PCDH7: variants seen among roughly 807,000 people sequenced by gnomAD.
PCDH7 encodes protocadherin 7, also known as protocadherin-7.
In PCDH7, 17 loss-of-function variants were observed where a neutral mutation model predicts 58.9. The observed-to-expected ratio is 0.29, with a 90% CI of 0.20 to 0.43. The LOEUF (loss-of-function observed/expected upper bound fraction) is 0.43, where lower values mean the gene tolerates loss of function less well. Ranked by LOEUF, PCDH7 falls within the 20% of genes least tolerant of loss-of-function variation. The pLI, the probability that PCDH7 is intolerant of heterozygous loss-of-function variation, is 1.00. For synonymous variants in PCDH7, 664 were observed against 616.4 expected (o/e 1.08, Z -1.14); for missense variants, 1,274 against 1,441.0 (o/e 0.88, Z 1.88).
chr4:30,928,753 A>G (rs1237344569), intron 2 of PCDH7, among the ~76,000 whole-genome samples: 1 of 152,214 alleles, frequency 6.6e-6, no homozygotes, highest in East Asian at 1.9e-4. Context: ...CTTTGGCTGC[A>G]CATCCTCTCT....
At chr4:31,098,462 G>A (rs1448708299) in intron 3 of PCDH7, among the ~76,000 whole-genome samples, 2 of 152,082 alleles carry the variant, frequency 1.3e-5, no homozygotes, top group Non-Finnish European at 2.9e-5. Flanking sequence ...TATTTGCAAG[G>A]ATTTCAAGAT....
chr4:30,842,488 G>A (rs1486432970), intron 1 of PCDH7, among the ~76,000 whole-genome samples: 1 of 152,018 alleles, frequency 6.6e-6, no homozygotes, highest in Non-Finnish European at 1.5e-5. Flanking sequence ...TGCTTATAGT[G>A]GAAAGGACCA....
intron 1 of PCDH7, among the ~76,000 whole-genome samples, chr4:30,756,469 G>A (rs906131022): frequency 2.0e-5 from 3 of 152,090 alleles, no homozygotes; most frequent in Non-Finnish European, 2.9e-5. Context: ...CTTAGTAAAC[G>A]GTAATAATGG....
At chr4:31,003,252 C>T (rs1183479839) in intron 3 of PCDH7, among the ~76,000 whole-genome samples, 1 of 151,908 alleles carries the variant, frequency 6.6e-6, no homozygotes, top group Non-Finnish European at 1.5e-5. Context: ...TTGTCATTAT[C>T]TTGACAATGA....
chr4:30,809,965 C>T (rs1177826644), intron 1 of PCDH7, among the ~76,000 whole-genome samples: 2 of 152,090 alleles, frequency 1.3e-5, no homozygotes, highest in Non-Finnish European at 2.9e-5. Context: ...CTAAGTTTTT[C>T]TTGTTCTTCA....
chr4:30,904,964 T>G (rs147834877), intron 1 of PCDH7, among the ~76,000 whole-genome samples: 2 of 152,276 alleles, frequency 1.3e-5, no homozygotes, highest in Non-Finnish European at 2.9e-5. Flanking sequence ...ACACAAACCT[T>G]CATTCCACAG....
At chr4:30,749,706 G>T (rs961471616) in intron 1 of PCDH7, among the ~76,000 whole-genome samples, 4 of 152,114 alleles carry the variant, frequency 2.6e-5, no homozygotes, top group Non-Finnish European at 4.4e-5. Flanking sequence ...TATGACTTTT[G>T]TATTTTATCC....
At chr4:30,725,182 A>G (rs1182826223) in intron 1 of PCDH7, 1 of 999,746 alleles carries the variant, frequency 1.0e-6, no homozygotes, top group Non-Finnish European at 1.2e-6. Context: ...TGATATGCAA[A>G]TGTCATGCAA....
intron 3 of PCDH7, among the ~76,000 whole-genome samples, chr4:31,065,543 A>G (rs1458682257): frequency 4.0e-4 from 61 of 151,948 alleles, no homozygotes; most frequent in Admixed American, 3.9e-3. Flanking sequence ...AGAAAATGTA[A>G]CATGCAGTCT....
At chr4:30,909,927 A>G (rs901671413) in intron 1 of PCDH7, among the ~76,000 whole-genome samples, 2 of 152,192 alleles carry the variant, frequency 1.3e-5, no homozygotes, top group Admixed American at 6.5e-5. Flanking sequence ...TTCAAACTAT[A>G]CTACAAGGCT....
At chr4:31,040,593 T>TA (rs1755781643) in intron 3 of PCDH7, among the ~76,000 whole-genome samples, 1 of 152,152 alleles carries the variant, frequency 6.6e-6, no homozygotes, top group Non-Finnish European at 1.5e-5. Flanking sequence ...AATCAGAAAC[T>TA]AAAAACATTT....
intron 1 of PCDH7, among the ~76,000 whole-genome samples, chr4:30,861,179 T>C (rs1364104413): frequency 6.6e-6 from 1 of 152,272 alleles, no homozygotes; most frequent in East Asian, 1.9e-4. Context: ...GTACTGTTCT[T>C]TGTATGTGAG....
chr4:31,111,027 G>T (rs1396290383), intron 3 of PCDH7, among the ~76,000 whole-genome samples: 1 of 151,794 alleles, frequency 6.6e-6, no homozygotes, highest in African/African-American at 2.4e-5. Flanking sequence ...AAATTTAACA[G>T]AATTCCATAT....
rs1713961077 is a variant in PCDH7, at chr4:30,723,057, T to C, written c.1635T>C (p.Pro545=). 4.3e-6 allele frequency: 7 copies of C among 1,613,830 alleles called. No homozygotes were observed. The highest frequency in any genetic ancestry group is 2.2e-5 in the East Asian group (1 of 44,864). The change falls in exon 1 of 2, where the codon CCT becomes CCC. Residue 545 remains proline (P), a synonymous_variant. Coordinates refer to ENST00000361762, the Ensembl canonical transcript of PCDH7. The surrounding 1 kb of genome is among the most constrained non-coding windows in gnomAD (Gnocchi z 4.6). Reference sequence around the variant, plus strand: ...AGTCGGTGGTGGAGGTTTACTTCCCTGAGAACAACATCCCGGGCGAGAGGG... The same window carrying C: ...AGTCGGTGGTGGAGGTTTACTTCCCCGAGAACAACATCCCGGGCGAGAGGG...
At position 30,723,694 on chromosome 4, in the gene PCDH7, A is replaced by G; in HGVS notation, c.2272A>G (p.Asn758Asp). 1 of 1,614,156 alleles carries G rather than the reference A, an allele frequency of 6.2e-7. No individual in the cohort carries two copies. The highest frequency in any genetic ancestry group is 8.5e-7 in the Non-Finnish European group (1 of 1,180,004). ...CTACACTTTACTGCCACCTTCGAGT[A>G]ATGTCAGGACAGTAGTAGCTACAGT... The change falls in exon 1 of 2, where the codon AAT (asparagine) becomes GAT (aspartate). Residue 758 changes from asparagine to aspartate, a missense_variant. Around this residue, in one of 3 missense-constraint regions of PCDH7, gnomAD observed 731 missense variants for 881.9 expected, o/e 0.83. Transcript: ENST00000361762. The surrounding 1 kb of genome is among the most constrained non-coding windows in gnomAD (Gnocchi z 4.6).
At chr4:30,949,603 AT>A (rs898247883) in intron 2 of PCDH7, among the ~76,000 whole-genome samples, 70 of 152,064 alleles carry the variant, frequency 4.6e-4, no homozygotes, top group South Asian at 2.1e-3. Context: ...TGTTAAATTA[AT>A]TTTTTTTATT....
intron 3 of PCDH7, among the ~76,000 whole-genome samples, chr4:31,075,710 G>T (rs904135340): frequency 2.6e-5 from 4 of 152,136 alleles, no homozygotes; most frequent in Non-Finnish European, 1.5e-5. Context: ...GGGCCCTGTT[G>T]TATCTCATGG....
At chr4:30,760,680 T>C (rs898478176) in intron 1 of PCDH7, among the ~76,000 whole-genome samples, 1 of 152,096 alleles carries the variant, frequency 6.6e-6, no homozygotes, top group Non-Finnish European at 1.5e-5. Flanking sequence ...AAACCACTGC[T>C]CAAGGAAACC....
At chr4:30,971,378 C>T (rs1749567547) in intron 3 of PCDH7, among the ~76,000 whole-genome samples, 1 of 152,160 alleles carries the variant, frequency 6.6e-6, no homozygotes, top group Admixed American at 6.5e-5. Flanking sequence ...AACCCAAACA[C>T]CTGCTGTGTG....
Sources: gnomAD v4.1 joint callset for allele counts (sites outside exome capture counted in the v4.1 genomes callset) on GRCh38, gnomAD v4.1.1 for gene constraint, gnomAD v4.1.1 regional missense constraint, Gnocchi (gnomAD v3.1) non-coding constraint, MANE v1.5 for transcripts, NCBI Gene and HGNC (gene_info 2026-07-23, HGNC 2026-07-21) for gene names.